PPARGC1A: variants seen among roughly 807,000 people sequenced by gnomAD.
PPARGC1A encodes the protein peroxisome proliferator-activated receptor gamma coactivator 1-alpha.
Under a neutral mutation model 88.7 loss-of-function variants are expected in PPARGC1A, and 25 were observed. That is an observed-to-expected ratio of 0.28 (90% CI 0.21 to 0.39). PPARGC1A has a LOEUF of 0.39. PPARGC1A is among the 10% of genes least tolerant of loss of function. The pLI, the probability that PPARGC1A is intolerant of heterozygous loss-of-function variation, is 1.00. For missense variants in PPARGC1A, 880 were observed against 968.7 expected, an observed-to-expected ratio of 0.91 and a Z score of 1.22; for synonymous variants, 363 against 355.6, an observed-to-expected ratio of 1.02 and a Z score of -0.24.
At chr4:23,914,647 C>T in the PPARGC1A span, among the ~76,000 whole-genome samples, 5 of 152,332 alleles carry the variant, frequency 3.3e-5, no homozygotes, top group East Asian at 7.7e-4. Context: ...ATATTTTTAA[C>T]ATACATGACA....
At chr4:24,177,066 T>A in the PPARGC1A span, among the ~76,000 whole-genome samples, 3 of 152,170 alleles carry the variant, frequency 2.0e-5, no homozygotes, top group African/African-American at 7.2e-5. Flanking sequence ...TGGTGATTCC[T>A]CAGGGATCTA....
At chr4:24,333,406 A>G in the PPARGC1A span, among the ~76,000 whole-genome samples, 2 of 152,224 alleles carry the variant, frequency 1.3e-5, no homozygotes, top group East Asian at 1.9e-4. Flanking sequence ...ACAAATGACT[A>G]TTACCTGTTT....
chr4:24,204,567 C>T, the PPARGC1A span, among the ~76,000 whole-genome samples: 9,175 of 152,072 alleles, frequency 0.06, 467 homozygotes, highest in African/African-American at 0.13. Flanking sequence ...CTGGAAACTA[C>T]GCCTGGCCAC....
the PPARGC1A span, among the ~76,000 whole-genome samples, chr4:24,113,949 C>T: frequency 9.8e-3 from 1,490 of 152,032 alleles, 24 homozygotes; most frequent in African/African-American, 0.033. Flanking sequence ...TATGGCAAAA[C>T]GCCGTCTCTA....
Position 23,837,631 on chromosome 4 carries a change from CT to C in PPARGC1A, c.235-5881del, listed in dbSNP as rs201950043. Among the ~76,000 whole-genome samples, 724 of 152,292 alleles carry C rather than the reference CT, an allele frequency of 4.8e-3. 6 individuals are homozygous for C. Among genetic ancestry groups the C allele is most frequent in the African/African-American group, 0.017 (692 of 41,558 alleles). ...CTAATGAAGACAAAATTAACTCCTA[CT>C]TTAAGTGAGGCCTAATTAGGAAAGG... On this transcript the variant is annotated intron_variant, in intron 2 of 12. Coordinates refer to ENST00000264867, the MANE Select transcript of PPARGC1A (RefSeq NM_013261.5).
the PPARGC1A span, among the ~76,000 whole-genome samples, chr4:24,029,516 G>A: frequency 6.6e-6 from 1 of 152,178 alleles, no homozygotes; most frequent in East Asian, 1.9e-4. Flanking sequence ...GATTTGGGGT[G>A]TGGTAAAAAT....
the PPARGC1A span, among the ~76,000 whole-genome samples, chr4:24,390,493 C>A: frequency 6.6e-6 from 1 of 152,018 alleles, no homozygotes; most frequent in African/African-American, 2.4e-5. Flanking sequence ...AAAGTCAATA[C>A]TGTAATGTTT....
the PPARGC1A span, among the ~76,000 whole-genome samples, chr4:23,995,514 T>A: frequency 1.3e-5 from 2 of 152,196 alleles, no homozygotes; most frequent in Non-Finnish European, 2.9e-5. Context: ...GCTTTGCACA[T>A]ACAGGTCTTT....
chr4:24,011,494 C>T, the PPARGC1A span, among the ~76,000 whole-genome samples: 1 of 152,190 alleles, frequency 6.6e-6, no homozygotes, highest in South Asian at 2.1e-4. Context: ...CAAGAGGAAA[C>T]ATGCTAACGT....
intron 2 of PPARGC1A, among the ~76,000 whole-genome samples, chr4:23,857,012 C>T (rs1730295303): frequency 6.6e-6 from 1 of 152,120 alleles, no homozygotes; most frequent in Non-Finnish European, 1.5e-5. Flanking sequence ...GAACTATGTA[C>T]TTTCCTTATA....
the PPARGC1A span, among the ~76,000 whole-genome samples, chr4:24,335,924 GATTT>G: frequency 6.6e-6 from 1 of 152,140 alleles, no homozygotes; most frequent in Non-Finnish European, 1.5e-5. Context: ...AGCACCTACT[GATTT>G]ATTATTCAGA....
At chr4:23,983,016 G>A in the PPARGC1A span, among the ~76,000 whole-genome samples, 3 of 152,050 alleles carry the variant, frequency 2.0e-5, no homozygotes, top group African/African-American at 7.2e-5. Flanking sequence ...CAATGGCAGC[G>A]CTGGATCATT....
At chr4:23,917,351 A>C in the PPARGC1A span, among the ~76,000 whole-genome samples, 1 of 147,226 alleles carries the variant, frequency 6.8e-6, no homozygotes, top group African/African-American at 2.5e-5. Context: ...ACCACATCAT[A>C]CTCTTTTCTG....
chr4:24,094,294 C>T, the PPARGC1A span, among the ~76,000 whole-genome samples: 1 of 152,126 alleles, frequency 6.6e-6, no homozygotes, highest in Non-Finnish European at 1.5e-5. Flanking sequence ...ATACACTTTC[C>T]AATTCAGAGT....
the PPARGC1A span, among the ~76,000 whole-genome samples, chr4:24,220,997 A>T: frequency 7.9e-5 from 12 of 152,210 alleles, no homozygotes; most frequent in Admixed American, 7.2e-4. Flanking sequence ...GGGAAAAAAA[A>T]ATGAGGACAT....
the PPARGC1A span, among the ~76,000 whole-genome samples, chr4:24,437,631 T>C: frequency 4.6e-5 from 7 of 151,580 alleles, no homozygotes; most frequent in African/African-American, 1.7e-4. Flanking sequence ...GTTGTTGTTG[T>C]TGTTGTTTTA....
chr4:24,088,449 T>C, the PPARGC1A span, among the ~76,000 whole-genome samples: 1 of 151,998 alleles, frequency 6.6e-6, no homozygotes, highest in African/African-American at 2.4e-5. Flanking sequence ...GAAAATATAC[T>C]CTGAGAAGCA....
At chr4:23,881,180 A>G (rs1715853585) in intron 2 of PPARGC1A, 1 of 152,210 alleles carries the variant, frequency 6.6e-6, no homozygotes, top group Admixed American at 6.6e-5. Context: ...TCTGAAACAT[A>G]AATCTTGCTA....
chr4:23,950,520 T>G, the PPARGC1A span, among the ~76,000 whole-genome samples: 1 of 152,150 alleles, frequency 6.6e-6, no homozygotes, highest in Non-Finnish European at 1.5e-5. Flanking sequence ...TATCTTGTAA[T>G]GATTTATAGA....
Sources: gnomAD v4.1 joint callset for allele counts (sites outside exome capture counted in the v4.1 genomes callset) on GRCh38, gnomAD v4.1.1 for gene constraint, MANE v1.5 for transcripts, NCBI Gene and HGNC (gene_info 2026-07-23, HGNC 2026-07-21) for gene names.